SH2B3: variants seen among roughly 807,000 people sequenced by gnomAD.
The protein encoded by SH2B3 is SH2B adapter protein 3.
Under a neutral mutation model 51.9 loss-of-function variants are expected in SH2B3, and 43 were observed. That is an observed-to-expected ratio of 0.83 (90% confidence interval 0.65 to 1.07). The LOEUF is 1.07. Ranked by LOEUF, SH2B3 falls within the 50% of genes least tolerant of loss-of-function variation. SH2B3 has a pLI of 0.00. For missense variants in SH2B3, 952 were observed against 834.3 expected (o/e 1.14, Z -1.74); for synonymous variants, 396 against 376.0 (o/e 1.05, Z -0.62).
intron 2 of SH2B3, among the ~76,000 whole-genome samples, chr12:111,433,334 G>T (rs1205358796): frequency 6.6e-6 from 1 of 152,130 alleles, no homozygotes; most frequent in Non-Finnish European, 1.5e-5. Context: ...CTGGGAAACA[G>T]AGAGAGACTC....
Position 111,447,804 on chromosome 12 carries a change from T to C in SH2B3, c.1385T>C (p.Val462Ala). ...AACDVRLSSYVVVVSQPPGSC... is the reference protein window; with the variant it reads ...AACDVRLSSYAVVVSQPPGSC... ...TGTGATGTCCGGCTCTCCAGCTACG[T>C]GGTAGTCGTCTCCCAACCACCAGGT... The change falls in exon 7 of 8, where the codon GTG becomes GCG. Residue 462 changes from valine (V) to alanine (A), a missense_variant. Coordinates refer to ENST00000341259, the MANE Select transcript of SH2B3 (RefSeq NM_005475.3). The C allele has an allele frequency of 1.9e-6, 3 of 1,614,020 alleles. No homozygotes were observed. The highest frequency in any genetic ancestry group is 2.5e-6 in the Non-Finnish European group (3 of 1,179,974).
chr12:111,423,448 C>A (rs1276794143), intron 2 of SH2B3, among the ~76,000 whole-genome samples: 1 of 152,128 alleles, frequency 6.6e-6, no homozygotes, highest in Non-Finnish European at 1.5e-5. Flanking sequence ...CAGCTCACTG[C>A]CAGCTCCGCC....
intron 1 of SH2B3, among the ~76,000 whole-genome samples, chr12:111,408,886 G>A (rs1026503774): frequency 7.9e-5 from 12 of 152,198 alleles, no homozygotes; most frequent in South Asian, 2.1e-4. Flanking sequence ...TAACAGCTGT[G>A]CACTTGCTGT....
intron 2 of SH2B3, among the ~76,000 whole-genome samples, chr12:111,433,474 A>C (rs531752285): frequency 1.3e-5 from 2 of 152,172 alleles, no homozygotes; most frequent in African/African-American, 2.4e-5. Flanking sequence ...TGTCCTTGCC[A>C]ATATTTGTTA....
intron 1 of SH2B3, among the ~76,000 whole-genome samples, chr12:111,414,725 C>A (rs909004319): frequency 6.6e-6 from 1 of 152,164 alleles, no homozygotes; most frequent in African/African-American, 2.4e-5. Context: ...ACAGGGGCAC[C>A]CTTTGTTGCC....
rs966006320 is a variant in SH2B3, at chr12:111,435,343, G to T, written c.733-11410G>T. The stretch of plus-strand genomic sequence containing the variant: ...CCTCGGTGATCGTCACAGATGCGGG[G>T]CCTGGCTACAGTCCTCACTGGTGTT... On this transcript the variant is annotated intron_variant, in intron 2 of 7. Coordinates refer to ENST00000341259, the MANE Select transcript of SH2B3 (RefSeq NM_005475.3). The surrounding 1 kb of genome is among the most constrained non-coding windows in gnomAD (Gnocchi z 4.8). Among the ~76,000 whole-genome samples, 1 of 152,156 alleles carries T rather than the reference G, an allele frequency of 6.6e-6. No homozygotes were observed. Among genetic ancestry groups the T allele is most frequent in the Non-Finnish European group, 1.5e-5 (1 of 68,032 alleles).
rs1053983313 is a variant in SH2B3 at position 111,448,696 on chromosome 12, G to A, written c.*394G>A. 1.4e-5 allele frequency: 3 copies of A among 208,140 alleles called. No individual in the cohort carries two copies. Among genetic ancestry groups the A allele is most frequent in the South Asian group, 1.6e-4 (2 of 12,180 alleles). The allele number at this position is 208,140 out of a possible 1,614,324, so 12.9% of individuals were successfully genotyped here. A position where few individuals can be genotyped will look rare whatever the true frequency, so the allele number is the denominator to read the frequency against. ...AGACTTTCTACGGGGAGGAGGGGGG[G>A]ATCATCAGGAAGCCCAGAACACTAA... On this transcript the variant is annotated 3_prime_UTR_variant, in exon 8 of 8. Transcript: ENST00000341259.
At chr12:111,422,668 C>G (rs1871652298) in intron 2 of SH2B3, among the ~76,000 whole-genome samples, 1 of 151,716 alleles carries the variant, frequency 6.6e-6, no homozygotes, top group Non-Finnish European at 1.5e-5. Context: ...TCAAGTGATT[C>G]TCCTGCCTCA....
chr12:111,419,883 G>C (rs532959381), intron 2 of SH2B3, among the ~76,000 whole-genome samples: 1 of 152,128 alleles, frequency 6.6e-6, no homozygotes, highest in Non-Finnish European at 1.5e-5. Flanking sequence ...AGGTTTAGTC[G>C]TTACGTCTCC....
Position 111,418,623 on chromosome 12 carries a change from G to T in SH2B3, c.478G>T (p.Ala160Ser). The stretch of plus-strand genomic sequence containing the variant: ...CGGGGAGCTGCCAGCGGCCCACACC[G>T]CTGCCGCCCCCGGGACCCCCGGAGA... ...SAGELPAAHT[A>S]AAPGTPGEAA... Residue 160 changes from alanine (A) to serine (S), a missense_variant, in exon 2 of 8, where the codon GCT becomes TCT. Transcript: ENST00000341259. This position sits in a 1 kb window ranked among gnomAD's most constrained non-coding sequence, Gnocchi z 6.7. The T allele has an allele frequency of 6.8e-7, 1 of 1,476,590 alleles. No individual in the cohort carries two copies. Among genetic ancestry groups the T allele is most frequent in the Non-Finnish European group, 8.9e-7 (1 of 1,123,198 alleles). The allele number at this position is 1,476,590 out of a possible 1,614,324, so 91.5% of individuals were successfully genotyped here. A position where few individuals can be genotyped will look rare whatever the true frequency, so the allele number is the denominator to read the frequency against.
At position 111,448,652 on chromosome 12, in the gene SH2B3, C is replaced by A; in HGVS notation, c.*350C>A. On this transcript the variant is annotated 3_prime_UTR_variant, in exon 8 of 8. Coordinates refer to ENST00000341259, the MANE Select transcript of SH2B3 (RefSeq NM_005475.3). The stretch of plus-strand genomic sequence containing the variant: ...GGAAACTTGTTCTCTTTTTCACTGA[C>A]ACTGTCACAGCGGATGACAGACTTT... 1 of 245,864 alleles carries A rather than the reference C, an allele frequency of 4.1e-6. No homozygotes were observed. The highest frequency in any genetic ancestry group is 8.0e-6 in the Non-Finnish European group (1 of 125,164). The allele number at this position is 245,864 out of a possible 1,614,324, so 15.2% of individuals were successfully genotyped here.
In SH2B3 at chr12:111,409,749, A is replaced by G. The variant is rs1870537982; in HGVS notation, c.-28+3472A>G. On this transcript the variant is annotated intron_variant, in intron 1 of 7. Transcript: ENST00000341259. This position sits in a 1 kb window ranked among gnomAD's most constrained non-coding sequence, Gnocchi z 4.0. ...GGCAGCAGGACCAGGCCACCACTGG[A>G]CATCTGCTCAATGGGGCCCTGCTGC... Among the ~76,000 whole-genome samples the G allele has an allele frequency of 6.6e-6, 1 of 152,130 alleles. No individual in the cohort carries two copies. Among genetic ancestry groups the G allele is most frequent in the Non-Finnish European group, 1.5e-5 (1 of 68,020 alleles).
rs573682458 is a variant in SH2B3 at position 111,435,126 on chromosome 12, G to C, written c.733-11627G>C. The stretch of plus-strand genomic sequence containing the variant: ...CTCCCCACCCGAGACGGGCGACAGA[G>C]GTTTTTTGTTGTTTCTTAACCACAT... On this transcript the variant is annotated intron_variant, in intron 2 of 7. Transcript: ENST00000341259. The surrounding 1 kb of genome is among the most constrained non-coding windows in gnomAD (Gnocchi z 4.8). The C allele has an allele frequency of 1.0e-6, 1 of 986,848 alleles. No individual in the cohort carries two copies. The highest frequency in any genetic ancestry group is 2.6e-5 in the East Asian group (1 of 37,906). 61.1% of individuals were successfully genotyped at this position (986,848 alleles called of 1,614,324 possible).
rs2135567736 is a variant in SH2B3, at chr12:111,429,069, G to T, written c.732+10192G>T. Among the ~76,000 whole-genome samples, 1 of 151,738 alleles carries T rather than the reference G, an allele frequency of 6.6e-6. No homozygotes were observed. Among genetic ancestry groups the T allele is most frequent in the South Asian group, 2.1e-4 (1 of 4,816 alleles). On this transcript the variant is annotated intron_variant, in intron 2 of 7. Coordinates refer to ENST00000341259, the MANE Select transcript of SH2B3 (RefSeq NM_005475.3). The surrounding 1 kb of genome is among the most constrained non-coding windows in gnomAD (Gnocchi z 4.4). ...AGGAAGAGGAGGAGGAGGAGGAGGA[G>T]GGACGGCAGGAAGCCGCCTCGGGCT...
At chr12:111,408,285 G>A (rs1399120367) in intron 1 of SH2B3, among the ~76,000 whole-genome samples, 2 of 152,106 alleles carry the variant, frequency 1.3e-5, no homozygotes, top group African/African-American at 4.8e-5. Flanking sequence ...AACCATGAAT[G>A]AGTGAATTCA....
intron 2 of SH2B3, among the ~76,000 whole-genome samples, chr12:111,437,738 A>G (rs962248178): frequency 5.3e-5 from 8 of 152,130 alleles, no homozygotes; most frequent in Admixed American, 2.6e-4. Context: ...CATTGCCTTC[A>G]GTTTGCCCCC....
intron 2 of SH2B3, among the ~76,000 whole-genome samples, chr12:111,424,093 C>T (rs956141243): frequency 2.0e-5 from 3 of 152,174 alleles, no homozygotes; most frequent in African/African-American, 7.2e-5. Flanking sequence ...GCCTGGGTGA[C>T]AAGAGCGAAA....
At chr12:111,408,331 G>T (rs1049090862) in intron 1 of SH2B3, among the ~76,000 whole-genome samples, 8 of 152,214 alleles carry the variant, frequency 5.3e-5, no homozygotes, top group African/African-American at 1.9e-4. Context: ...AGGAAGAGAA[G>T]AAGTAGCCTT....
At position 111,451,515 on chromosome 12, in the gene SH2B3, T is replaced by C. The variant is rs1874589739; in HGVS notation, c.*3213T>C. ...ATAGGCAGAAGGTATTTGGCAAATT[T>C]TTATGTATTGTTTTATGTACTGTAC... On this transcript the variant is annotated 3_prime_UTR_variant, in exon 8 of 8. Coordinates refer to ENST00000341259, the MANE Select transcript of SH2B3 (RefSeq NM_005475.3). 1 of 152,672 alleles carries C rather than the reference T, an allele frequency of 6.5e-6. No individual in the cohort carries two copies. The highest frequency in any genetic ancestry group is 2.4e-5 in the African/African-American group (1 of 41,452). The allele number at this position is 152,672 out of a possible 1,614,324, so 9.5% of individuals were successfully genotyped here. A position where few individuals can be genotyped will look rare whatever the true frequency, so the allele number is the denominator to read the frequency against.
Sources: allele counts gnomAD v4.1 joint callset (sites outside exome capture counted in the v4.1 genomes callset), GRCh38; gene constraint gnomAD v4.1.1; non-coding constraint Gnocchi (gnomAD v3.1); transcripts MANE v1.5; gene names NCBI Gene and HGNC (gene_info 2026-07-23, HGNC 2026-07-21).